The following PRSS23 variants were observed in gnomAD, a reference collection of about 807,000 sequenced individuals.
PRSS23 encodes serine protease 23.
PRSS23 carries 25 observed loss-of-function variants against 34.7 expected under a neutral mutation model. The ratio of observed to expected loss-of-function variants is 0.72; its 90% CI spans 0.53 to 1.01. PRSS23 has a LOEUF of 1.01. PRSS23 is among the 50% of genes least tolerant of loss of function. The pLI, the probability that PRSS23 is intolerant of heterozygous loss-of-function variation, is 0.00. For missense variants in PRSS23, 445 were observed against 475.6 expected, an observed-to-expected ratio of 0.94 and a Z score of 0.60; for synonymous variants, 176 against 186.6, an observed-to-expected ratio of 0.94 and a Z score of 0.46.
intron 2 of PRSS23, among the ~76,000 whole-genome samples, chr11:86,855,706 G>T (rs11234831): frequency 6.6e-6 from 1 of 152,212 alleles, no homozygotes; most frequent in Non-Finnish European, 1.5e-5. Context: ...ATGTTGGCCA[G>T]TCTGATCTCC....
At chr11:86,942,437 A>T (rs1224168941) in intron 2 of PRSS23, among the ~76,000 whole-genome samples, 1 of 152,232 alleles carries the variant, frequency 6.6e-6, no homozygotes, top group Non-Finnish European at 1.5e-5. Flanking sequence ...GGAATGATGC[A>T]ACCCCAGGCA....
At chr11:86,856,240 A>G (rs1948569970) in intron 2 of PRSS23, among the ~76,000 whole-genome samples, 1 of 152,144 alleles carries the variant, frequency 6.6e-6, no homozygotes, top group East Asian at 1.9e-4. Flanking sequence ...ATTTGAAGAA[A>G]TCATATTACA....
rs756234851 is a variant in PRSS23, at chr11:86,808,337, G to C, written c.694G>C (p.Gly232Arg). The C allele has an allele frequency of 1.9e-6, 3 of 1,614,184 alleles. No homozygotes were observed. Among genetic ancestry groups the C allele is most frequent in the Non-Finnish European group, 2.5e-6 (3 of 1,180,042 alleles). The change falls in exon 2 of 2, where the codon GGT (glycine) becomes CGT (arginine). Residue 232 changes from glycine (G) to arginine (R), a missense_variant. By Grantham distance (125) the Gly-to-Arg change is moderately radical (BLOSUM62 -2). Coordinates refer to ENST00000280258, the MANE Select transcript of PRSS23 (RefSeq NM_007173.6). ...GGTGAAACGCACCCATGTGCCCAAG[G>C]GTTGGATCAAGGGCAATGCCAATGA... is the stretch of plus-strand genomic sequence containing the variant. Reference protein sequence around the residue: ...IRVKRTHVPKGWIKGNANDIG... With the variant: ...IRVKRTHVPKRWIKGNANDIG...
intron 2 of PRSS23, among the ~76,000 whole-genome samples, chr11:86,917,582 C>T (rs1258929059): frequency 2.6e-5 from 4 of 152,154 alleles, no homozygotes; most frequent in Non-Finnish European, 5.9e-5. Flanking sequence ...TTTCTTGCAG[C>T]AAGAGGAATG....
At chr11:86,891,746 T>C (rs1410237011) in intron 2 of PRSS23, among the ~76,000 whole-genome samples, 1 of 152,168 alleles carries the variant, frequency 6.6e-6, no homozygotes, top group African/African-American at 2.4e-5. Flanking sequence ...GTGGAGGTAA[T>C]TGAATCATGG....
downstream of PRSS23, among the ~76,000 whole-genome samples, chr11:86,814,133 T>G (rs1426115764): frequency 1.3e-5 from 2 of 152,184 alleles, no homozygotes; most frequent in East Asian, 3.8e-4. Flanking sequence ...TCAGTCATGT[T>G]AGGTTTCAAC....
At chr11:86,841,819 C>A (rs1433262233) in intron 2 of PRSS23, among the ~76,000 whole-genome samples, 3 of 152,130 alleles carry the variant, frequency 2.0e-5, no homozygotes, top group Non-Finnish European at 4.4e-5. Flanking sequence ...AAGTCCAGGA[C>A]TAGACAGATT....
chr11:86,836,748 C>T (rs1232968896), intron 2 of PRSS23: 1 of 152,154 alleles, frequency 6.6e-6, no homozygotes, highest in Non-Finnish European at 1.5e-5. Context: ...TCCTGGCTGT[C>T]AATGGTCAAG....
intron 2 of PRSS23, among the ~76,000 whole-genome samples, chr11:86,939,426 A>ATATATATATATATTTTTTTTTTT: frequency 9.6e-5 from 9 of 94,068 alleles, no homozygotes; most frequent in Admixed American, 2.6e-4. Context: ...ATATATATAT[A>ATATATATATATATTTTTTTTTTT]TTTTTTAACA....
rs528191180 is a variant in PRSS23 at position 86,854,235 on chromosome 11, C to T, written c.206+30642C>T. ...CAGGATGGTCTTGATCACCTGACCTCGTGATCTGCCTGCCTCGGCCTCCCA... is the reference window on the plus strand; with the variant it reads ...CAGGATGGTCTTGATCACCTGACCTTGTGATCTGCCTGCCTCGGCCTCCCA... On this transcript the variant is annotated intron_variant, in intron 2 of 2. Transcript: ENST00000533902. Among the ~76,000 whole-genome samples, 48 of 152,202 alleles carry T rather than the reference C, an allele frequency of 3.2e-4. No individual in the cohort carries two copies. In the South Asian group the frequency reaches 5.2e-3, roughly 16 times the overall value.
At chr11:86,855,249 C>A (rs1027406535) in intron 2 of PRSS23, among the ~76,000 whole-genome samples, 1 of 151,662 alleles carries the variant, frequency 6.6e-6, no homozygotes, top group African/African-American at 2.4e-5. Context: ...GTGATTGGAG[C>A]GGAAAGGTAA....
At chr11:86,834,207 A>G (rs972433483) in intron 2 of PRSS23, among the ~76,000 whole-genome samples, 4 of 152,192 alleles carry the variant, frequency 2.6e-5, no homozygotes, top group Non-Finnish European at 4.4e-5. Context: ...GTAAATAAGA[A>G]TTTGGCCATC....
intron 2 of PRSS23, among the ~76,000 whole-genome samples, chr11:86,861,126 C>T (rs966305833): frequency 3.3e-5 from 5 of 151,896 alleles, no homozygotes; most frequent in Non-Finnish European, 7.4e-5. Context: ...TGTCCACCCC[C>T]CTGTGATATA....
chr11:86,821,565 G>A (rs1565355385), intron 1 of PRSS23: 2 of 1,610,586 alleles, frequency 1.2e-6, no homozygotes, highest in South Asian at 1.1e-5. Flanking sequence ...TCACTCTGAA[G>A]TTTGACAACA....
rs1206743338 is a variant in PRSS23 at position 86,811,103 on chromosome 11, C to T, written c.*2308C>T. 6.0e-6 allele frequency: 1 copy of T among 167,080 alleles called. No homozygotes were observed. The highest frequency in any genetic ancestry group is 1.5e-5 in the Non-Finnish European group (1 of 68,132). 10.3% of individuals were successfully genotyped at this position (167,080 alleles called of 1,614,324 possible). A position where few individuals can be genotyped will look rare whatever the true frequency, so the allele number is the denominator to read the frequency against. ...TGTATTAAGTCAGAGGAAGATGCCT[C>T]TCCATTTTCCCTCTCTTTATCAGAG... On this transcript the variant is annotated 3_prime_UTR_variant, in exon 2 of 2. Coordinates refer to ENST00000280258, the MANE Select transcript of PRSS23 (RefSeq NM_007173.6).
At chr11:86,934,477 C>T (rs1027121862) in intron 2 of PRSS23, 1 of 152,220 alleles carries the variant, frequency 6.6e-6, no homozygotes, top group Non-Finnish European at 1.5e-5. Context: ...TTCCTCCCTT[C>T]CTCTCATCCT....
chr11:86,929,418 G>A (rs1229989737), intron 2 of PRSS23, among the ~76,000 whole-genome samples: 2 of 151,578 alleles, frequency 1.3e-5, no homozygotes, highest in Admixed American at 1.3e-4. Flanking sequence ...CGAGGCAGGC[G>A]GATCACCTGA....
In PRSS23 at chr11:86,943,245, T is replaced by A. The variant is rs1949217753; in HGVS notation, c.207-7971T>A. On this transcript the variant is annotated intron_variant, in intron 2 of 2. Transcript: ENST00000533902. ...ATAGTGATAATGCTATATAATCTTT[T>A]AAAAAATAGAAGCTTATGGTCAGAT... 2.0e-5 allele frequency among the ~76,000 whole-genome samples: 3 copies of A among 152,338 alleles called. No individual in the cohort carries two copies. In the South Asian group the frequency reaches 6.2e-4, roughly 32 times the overall value.
At position 86,805,519 on chromosome 11, in the gene PRSS23, A is replaced by G. The variant is rs907157203; in HGVS notation, c.-13-2112A>G. Reference sequence around the variant, plus strand: ...TAATTAAATGTATTTCCTTCCTACAAAAGGGCTCAGGGACCCTTCCTATTT... The same window carrying G: ...TAATTAAATGTATTTCCTTCCTACAGAAGGGCTCAGGGACCCTTCCTATTT... On this transcript the variant is annotated intron_variant, in intron 1 of 1. Coordinates refer to ENST00000280258, the MANE Select transcript of PRSS23 (RefSeq NM_007173.6). Among the ~76,000 whole-genome samples the G allele has an allele frequency of 5.9e-5, 9 of 152,326 alleles. 1 individual carries two copies. The highest frequency in any genetic ancestry group is 2.0e-4 in the Admixed American group (3 of 15,300).
Sources: allele counts gnomAD v4.1 joint callset (sites outside exome capture counted in the v4.1 genomes callset), GRCh38; gene constraint gnomAD v4.1.1; transcripts MANE v1.5; gene names NCBI Gene and HGNC (gene_info 2026-07-23, HGNC 2026-07-21).